Variants in CERS3 observed in about 807,000 individuals in gnomAD.
The protein encoded by CERS3 is LAG1 homolog, ceramide synthase 3.
In CERS3, 33 loss-of-function variants were observed where a neutral mutation model predicts 50.3. The observed-to-expected ratio is 0.66, with a 90% CI of 0.50 to 0.88. The LOEUF is 0.88. CERS3 is among the 40% of genes least tolerant of loss of function. The pLI, the probability that CERS3 is intolerant of heterozygous loss-of-function variation, is 0.00. For synonymous variants in CERS3, 176 were observed against 155.2 expected (o/e 1.13, Z -0.99); for missense variants, 470 against 460.3 (o/e 1.02, Z -0.19).
At chr15:100,416,715 A>T (rs1450105102) in intron 11 of CERS3, among the ~76,000 whole-genome samples, 1 of 152,172 alleles carries the variant, frequency 6.6e-6, no homozygotes, top group East Asian at 1.9e-4. Flanking sequence ...CATAGGGCAA[A>T]CTGCTCCCAT....
chr15:100,403,767 C>T (rs761654217), intron 11 of CERS3, among the ~76,000 whole-genome samples: 9 of 152,178 alleles, frequency 5.9e-5, no homozygotes, highest in Non-Finnish European at 1.0e-4. Context: ...TGAAAAACAG[C>T]AGCACTAGGT....
chr15:100,453,570 C>T (rs1186159637), intron 11 of CERS3, among the ~76,000 whole-genome samples: 1 of 152,122 alleles, frequency 6.6e-6, no homozygotes, highest in Non-Finnish European at 1.5e-5. Flanking sequence ...GGCTGAAAGC[C>T]TTTCCTTTAA....
chr15:100,442,130 C>T (rs2587818), intron 11 of CERS3, among the ~76,000 whole-genome samples: 150,697 of 152,318 alleles, frequency 0.99, 74,561 homozygotes, highest in Middle Eastern at 1. Flanking sequence ...TCAAGGTTAA[C>T]GCTCCTTTTT....
chr15:100,491,486 G>T (rs1596753297), intron 3 of CERS3, among the ~76,000 whole-genome samples: 1 of 152,270 alleles, frequency 6.6e-6, no homozygotes, highest in Non-Finnish European at 1.5e-5. Flanking sequence ...CAGAGTTCCA[G>T]TTAGCCCATA....
chr15:100,456,909 T>C (rs1422389187), intron 10 of CERS3, among the ~76,000 whole-genome samples: 1 of 146,558 alleles, frequency 6.8e-6, no homozygotes, highest in African/African-American at 2.5e-5. Flanking sequence ...ATTGTGCCAC[T>C]GCACTCCAGC....
chr15:100,475,100 A>G (rs1039726430), intron 8 of CERS3, among the ~76,000 whole-genome samples: 2 of 152,188 alleles, frequency 1.3e-5, no homozygotes, highest in Non-Finnish European at 2.9e-5. Context: ...TTTCAATTCT[A>G]TCCCTGGAAA....
At chr15:100,532,510 A>AT (rs2036961482), upstream of CERS3, among the ~76,000 whole-genome samples, 1 of 152,182 alleles carries the variant, frequency 6.6e-6, no homozygotes. Flanking sequence ...TCATGCCTGT[A>AT]ATCCCAGCAC....
intron 3 of CERS3, among the ~76,000 whole-genome samples, chr15:100,492,037 C>A (rs1456900206): frequency 1.3e-5 from 2 of 151,930 alleles, no homozygotes; most frequent in African/African-American, 4.8e-5. Flanking sequence ...TTATTGATTT[C>A]TAATTTTATT....
chr15:100,425,481 C>A (rs951790129), intron 11 of CERS3, among the ~76,000 whole-genome samples: 1 of 151,820 alleles, frequency 6.6e-6, no homozygotes, highest in Non-Finnish European at 1.5e-5. Flanking sequence ...ATTTAATGAC[C>A]CCCTGCTGGG....
Position 100,454,651 on chromosome 15 carries a change from G to T in CERS3, c.999+1242C>A, listed in dbSNP as rs529433447. Among the ~76,000 whole-genome samples, 7 of 152,158 alleles carry T rather than the reference G, an allele frequency of 4.6e-5. No individual in the cohort carries two copies. In the South Asian group the frequency reaches 1.5e-3, roughly 32 times the overall value. Reference sequence around the variant, plus strand: ...TTCAGGGAAATACTTCAGGACATTGGTCTAGGCAAAGATTCAATGGCTAAG... The same window carrying T: ...TTCAGGGAAATACTTCAGGACATTGTTCTAGGCAAAGATTCAATGGCTAAG... On this transcript the variant is annotated intron_variant, in intron 11 of 11. Transcript: ENST00000679737.
intron 11 of CERS3, among the ~76,000 whole-genome samples, chr15:100,410,340 C>A (rs913474079): frequency 6.6e-6 from 1 of 152,212 alleles, no homozygotes; most frequent in Non-Finnish European, 1.5e-5. Context: ...CAGCTTGGCA[C>A]TCCAGCAGGC....
intron 2 of CERS3, among the ~76,000 whole-genome samples, chr15:100,511,336 G>A (rs1223873061): frequency 6.6e-6 from 1 of 152,096 alleles, no homozygotes; most frequent in African/African-American, 2.4e-5. Flanking sequence ...CCACACTACA[G>A]ACTGGGAGAA....
chr15:100,537,605 G>A (rs1259781553), intron 1 of CERS3, among the ~76,000 whole-genome samples: 2 of 152,276 alleles, frequency 1.3e-5, no homozygotes, highest in African/African-American at 4.8e-5. Context: ...GATCTCACCA[G>A]AACTCCTTCA....
At chr15:100,498,132 G>C (rs1215995929) in intron 3 of CERS3, among the ~76,000 whole-genome samples, 1 of 152,084 alleles carries the variant, frequency 6.6e-6, no homozygotes, top group Non-Finnish European at 1.5e-5. Flanking sequence ...CTGATCTCGT[G>C]ATCTGCCTGC....
intron 11 of CERS3, among the ~76,000 whole-genome samples, chr15:100,423,737 C>G (rs1442169603): frequency 6.6e-6 from 1 of 152,094 alleles, no homozygotes; most frequent in Non-Finnish European, 1.5e-5. Flanking sequence ...TGTACATGTG[C>G]CCCCTGAACC....
chr15:100,465,699 C>T (rs182657700), intron 10 of CERS3, among the ~76,000 whole-genome samples: 22 of 150,708 alleles, frequency 1.5e-4, no homozygotes, highest in African/African-American at 4.4e-4. Flanking sequence ...ACTCTTGTCA[C>T]CCAGGCTGGA....
At position 100,467,842 on chromosome 15, in the gene CERS3, T is replaced by TAGATAG. The variant is rs1374645090; in HGVS notation, c.845+1535_845+1536insCTATCT. Among the ~76,000 whole-genome samples, 298 of 40,120 alleles carry TAGATAG rather than the reference T, an allele frequency of 7.4e-3. 4 individuals carry two copies. Among genetic ancestry groups the TAGATAG allele is most frequent in the African/African-American group, 0.018 (275 of 15,672 alleles). The allele number at this position is 40,120 out of a possible 152,430, so 26.3% of individuals were successfully genotyped here. On this transcript the variant is annotated intron_variant, in intron 10 of 11. Coordinates refer to ENST00000679737, the MANE Select transcript of CERS3 (RefSeq NM_001378789.1). ...ATATGTGTATATATATACGTGTATA[T>TAGATAG]ATATATATATAGATAGATAGATAGA...
chr15:100,522,875 A>G (rs1197971134), intron 1 of CERS3, among the ~76,000 whole-genome samples: 1 of 152,228 alleles, frequency 6.6e-6, no homozygotes, highest in Non-Finnish European at 1.5e-5. Flanking sequence ...CATAAGGCAT[A>G]TGTATATTCA....
chr15:100,481,645 G>A (rs1019826937), intron 5 of CERS3, among the ~76,000 whole-genome samples: 1 of 152,230 alleles, frequency 6.6e-6, no homozygotes, highest in Non-Finnish European at 1.5e-5. Context: ...TTATGAAGCC[G>A]ATGCTGTAAT....
Sources: allele counts gnomAD v4.1 joint callset (sites outside exome capture counted in the v4.1 genomes callset), GRCh38; gene constraint gnomAD v4.1.1; transcripts MANE v1.5; gene names NCBI Gene and HGNC (gene_info 2026-07-23, HGNC 2026-07-21).